Variants in MYPN observed in about 807,000 individuals in gnomAD.
MYPN encodes the protein myopalladin.
MYPN carries 63 observed loss-of-function variants against 129.4 expected under a neutral mutation model. That is an observed-to-expected ratio of 0.49 (90% CI 0.40 to 0.60). MYPN has a LOEUF of 0.60. Ranked by LOEUF, MYPN falls within the 20% of genes least tolerant of loss-of-function variation. MYPN has a pLI of 0.00. For synonymous variants in MYPN, 629 were observed against 600.9 expected (o/e 1.05, Z -0.68); for missense variants, 1,596 against 1,635.4 (o/e 0.98, Z 0.42).
chr10:68,151,855 A>C (rs923850638), intron 6 of MYPN, among the ~76,000 whole-genome samples: 1 of 152,168 alleles, frequency 6.6e-6, no homozygotes, highest in Admixed American at 6.5e-5. Flanking sequence ...AAAGAGTCCA[A>C]CTCTGTAAAA....
At chr10:68,155,535 G>C (rs537058885) in intron 6 of MYPN, among the ~76,000 whole-genome samples, 1 of 152,206 alleles carries the variant, frequency 6.6e-6, no homozygotes, top group Non-Finnish European at 1.5e-5. Context: ...GTTGGAGACT[G>C]TTTGGTCTGT....
At chr10:68,161,642 C>T in intron 7 of MYPN, 87 bp from the exon 8 acceptor site, 1 of 1,022,346 alleles carries the variant, frequency 9.8e-7, no homozygotes, top group South Asian at 1.3e-5. Flanking sequence ...GTGCAAGAGA[C>T]TGTGAAATTC....
intron 1 of MYPN, among the ~76,000 whole-genome samples, chr10:68,095,877 C>T (rs987885644): frequency 3.3e-5 from 5 of 152,034 alleles, no homozygotes; most frequent in African/African-American, 4.8e-5. Context: ...TACTCAATGC[C>T]ACAGAACTGA....
intron 2 of MYPN, among the ~76,000 whole-genome samples, chr10:68,129,950 C>T (rs2042384067): frequency 6.6e-6 from 1 of 152,118 alleles, no homozygotes; most frequent in African/African-American, 2.4e-5. Flanking sequence ...GGATGCTCAA[C>T]CTATACCAGA....
rs1234102072 is a variant in MYPN at position 68,145,199 on chromosome 10, T to C, written c.1079-276T>C. On this transcript the variant is annotated intron_variant, in intron 3 of 19. Transcript: ENST00000358913. ...ACCACTATGCCCAGCTAATTTTGTA[T>C]TTTTAGTAGAGATGGGGTTTCTCCA... Among the ~76,000 whole-genome samples the C allele has an allele frequency of 2.2e-4, 34 of 152,034 alleles. 1 individual carries two copies. The highest frequency in any genetic ancestry group is 6.5e-4 in the African/African-American group (27 of 41,380).
At chr10:68,106,983 C>T (rs1191062029), upstream of MYPN, among the ~76,000 whole-genome samples, 1 of 152,176 alleles carries the variant, frequency 6.6e-6, no homozygotes, top group Non-Finnish European at 1.5e-5. Context: ...TTGTTTTTAA[C>T]TATGTTGGGC....
At chr10:68,115,782 C>G (rs1390978120) in intron 1 of MYPN, among the ~76,000 whole-genome samples, 1 of 152,098 alleles carries the variant, frequency 6.6e-6, no homozygotes, top group African/African-American at 2.4e-5. Context: ...ACCTTTCTGC[C>G]CTCATTTTCT....
chr10:68,094,929 G>A (rs976161887), intron 1 of MYPN, among the ~76,000 whole-genome samples: 4 of 152,106 alleles, frequency 2.6e-5, no homozygotes, highest in Non-Finnish European at 5.9e-5. Context: ...GGGCATGGTG[G>A]CGGGTGCTGT....
intron 2 of MYPN, among the ~76,000 whole-genome samples, chr10:68,131,577 A>G (rs2134026210): frequency 6.6e-6 from 1 of 152,274 alleles, no homozygotes; most frequent in East Asian, 1.9e-4. Flanking sequence ...GCAGTGGCAC[A>G]ATGATAGCTT....
At chr10:68,165,047 T>C (rs1433827165) in intron 8 of MYPN, among the ~76,000 whole-genome samples, 1 of 152,252 alleles carries the variant, frequency 6.6e-6, no homozygotes, top group Non-Finnish European at 1.5e-5. Context: ...TTCCTTTGAC[T>C]CCTAATTTGT....
intron 1 of MYPN, among the ~76,000 whole-genome samples, chr10:68,096,778 G>A (rs981199282): frequency 5.9e-5 from 9 of 152,158 alleles, no homozygotes; most frequent in Non-Finnish European, 1.0e-4. Flanking sequence ...TCATAGAAAG[G>A]TTAGGATATT....
At chr10:68,197,200 C>T in intron 15 of MYPN, 152 bp from the exon 16 acceptor site, 1 of 716,608 alleles carries the variant, frequency 1.4e-6, no homozygotes, top group Non-Finnish European at 2.3e-6. Context: ...CAGCTCCACA[C>T]CATTATTTAT....
chr10:68,200,766 A>G (rs2043696459), intron 17 of MYPN, among the ~76,000 whole-genome samples: 1 of 152,050 alleles, frequency 6.6e-6, no homozygotes, highest in Non-Finnish European at 1.5e-5. Flanking sequence ...TCAAAAAAAA[A>G]AAGAAGAAGA....
chr10:68,141,452 G>T (rs1430994122), intron 2 of MYPN, among the ~76,000 whole-genome samples: 1 of 151,936 alleles, frequency 6.6e-6, no homozygotes, highest in Non-Finnish European at 1.5e-5. Flanking sequence ...CTAAATTACA[G>T]TAAAGATTAG....
At chr10:68,197,112 T>C (rs2043620365) in intron 15 of MYPN, among the ~76,000 whole-genome samples, 1 of 152,158 alleles carries the variant, frequency 6.6e-6, no homozygotes, top group South Asian at 2.1e-4. Flanking sequence ...AGAAAGAAGC[T>C]AAGCCTGTTT....
rs1335675879 is a variant in MYPN at position 68,090,091 on chromosome 10, C to T, written c.-2+2099C>T. Among the ~76,000 whole-genome samples, 6 of 152,106 alleles carry T rather than the reference C, an allele frequency of 3.9e-5. No homozygotes were observed. In the East Asian group the frequency reaches 9.6e-4, roughly 24 times the overall value. On this transcript the variant is annotated intron_variant, in intron 1 of 6. Transcript: ENST00000685154. ...CGACTTTCAGTGTTAGACGTCTACT[C>T]GTGTTATAAAACCTACAGAGCAGAT...
intron 2 of MYPN, among the ~76,000 whole-genome samples, chr10:68,125,483 A>G (rs2042312227): frequency 6.6e-6 from 1 of 152,218 alleles, no homozygotes; most frequent in African/African-American, 2.4e-5. Flanking sequence ...CACAGAATTT[A>G]TATAACTCCA....
intron 4 of MYPN, among the ~76,000 whole-genome samples, chr10:68,147,691 C>G (rs971279105): frequency 1.3e-5 from 2 of 152,248 alleles, no homozygotes; most frequent in African/African-American, 4.8e-5. Context: ...GATGGCCTTC[C>G]CCTCTGGACG....
intron 14 of MYPN, among the ~76,000 whole-genome samples, chr10:68,194,822 T>C (rs2043577713): frequency 6.6e-6 from 1 of 152,246 alleles, no homozygotes; most frequent in Non-Finnish European, 1.5e-5. Flanking sequence ...AGTCAATAAA[T>C]CATTATATCA....
Sources: allele counts gnomAD v4.1 joint callset (sites outside exome capture counted in the v4.1 genomes callset), GRCh38; gene constraint gnomAD v4.1.1; transcripts MANE v1.5; gene names NCBI Gene and HGNC (gene_info 2026-07-23, HGNC 2026-07-21).